VEGFC: variants seen among roughly 807,000 people sequenced by gnomAD.
VEGFC encodes the protein FLT4 ligand DHM.
A neutral mutation model predicts 46.1 loss-of-function variants in VEGFC; 12 were observed. That is an observed-to-expected ratio of 0.26 (90% CI 0.17 to 0.42). The LOEUF (loss-of-function observed/expected upper bound fraction) is 0.42. Among genes scored for constraint, VEGFC ranks in the 10% least tolerant of loss-of-function variants. The pLI, the probability that VEGFC is intolerant of heterozygous loss-of-function variation, is 1.00. For synonymous variants in VEGFC, 232 were observed against 195.5 expected (o/e 1.19, Z -1.56); for missense variants, 488 against 529.4 (o/e 0.92, Z 0.77).
At chr4:176,724,298 T>G (rs1280927655) in intron 3 of VEGFC, among the ~76,000 whole-genome samples, 1 of 152,136 alleles carries the variant, frequency 6.6e-6, no homozygotes, top group Non-Finnish European at 1.5e-5. Context: ...TGTGTCTATA[T>G]TTTCATTTGT....
rs192986763 is a variant in VEGFC at position 176,758,998 on chromosome 4, T to C, written c.148-29252A>G. ...CCACGATTACTCATCTAAAAGTTCA[T>C]TGTTAGCAAATTATATTTTAAATGC... On this transcript the variant is annotated intron_variant, in intron 1 of 6. Coordinates refer to ENST00000618562, the MANE Select transcript of VEGFC (RefSeq NM_005429.5). Among the ~76,000 whole-genome samples the C allele has an allele frequency of 3.3e-3, 500 of 152,290 alleles. 5 individuals carry two copies. The highest frequency in any genetic ancestry group is 7.8e-3 in the Admixed American group (119 of 15,284).
chr4:176,702,673 A>G (rs1734454170), intron 4 of VEGFC, among the ~76,000 whole-genome samples: 1 of 152,136 alleles, frequency 6.6e-6, no homozygotes, highest in African/African-American at 2.4e-5. Flanking sequence ...TTACATCTTT[A>G]GGGACATTGT....
At chr4:176,775,586 TG>T (rs1171671907) in intron 1 of VEGFC, among the ~76,000 whole-genome samples, 1 of 151,654 alleles carries the variant, frequency 6.6e-6, no homozygotes, top group Non-Finnish European at 1.5e-5. Context: ...TTATAGGCCA[TG>T]TATTGTATTT....
At chr4:176,790,990 T>G (rs1736081062) in intron 1 of VEGFC, among the ~76,000 whole-genome samples, 1 of 152,210 alleles carries the variant, frequency 6.6e-6, no homozygotes, top group South Asian at 2.1e-4. Flanking sequence ...ATTCCAACAT[T>G]TTAATGTTTT....
At chr4:176,739,308 T>C (rs4426720) in intron 1 of VEGFC, among the ~76,000 whole-genome samples, 106,756 of 151,246 alleles carry the variant, frequency 0.71, 43,537 homozygotes, top group East Asian at 0.93. Context: ...ACTGGGTATA[T>C]ACCCAAAGGA....
intron 1 of VEGFC, among the ~76,000 whole-genome samples, chr4:176,739,107 C>A (rs959843948): frequency 6.6e-6 from 1 of 151,704 alleles, no homozygotes; most frequent in African/African-American, 2.4e-5. Flanking sequence ...CAATGAGATA[C>A]CATCTTATTC....
intron 3 of VEGFC, among the ~76,000 whole-genome samples, chr4:176,726,786 T>G (rs547495366): frequency 6.6e-6 from 1 of 152,218 alleles, no homozygotes; most frequent in Admixed American, 6.6e-5. Flanking sequence ...AAAGTTTGCA[T>G]AAAATTAAAA....
chr4:176,737,254 A>G (rs918611681), intron 1 of VEGFC, among the ~76,000 whole-genome samples: 5 of 139,544 alleles, frequency 3.6e-5, no homozygotes, highest in African/African-American at 1.3e-4. Context: ...ATTAATGTTA[A>G]ATGTTAATAA....
intron 4 of VEGFC, among the ~76,000 whole-genome samples, chr4:176,698,666 G>A (rs1031204219): frequency 6.6e-5 from 10 of 151,954 alleles, no homozygotes; most frequent in African/African-American, 2.4e-4. Flanking sequence ...GGTCTCCAGA[G>A]CATATTCACC....
chr4:176,696,161 G>T, intron 4 of VEGFC, among the ~76,000 whole-genome samples: 1 of 143,716 alleles, frequency 7.0e-6, no homozygotes, highest in Non-Finnish European at 1.5e-5. Context: ...AGGAAATAAA[G>T]GGTATTCAAT....
intron 3 of VEGFC, among the ~76,000 whole-genome samples, chr4:176,722,334 G>C (rs1734801253): frequency 6.6e-6 from 1 of 152,212 alleles, no homozygotes; most frequent in African/African-American, 2.4e-5. Context: ...AGCAAGAAAA[G>C]ATTCCATGTG....
In VEGFC at chr4:176,732,267, G is replaced by A. The variant is rs1394170123; in HGVS notation, c.148-2521C>T. Among the ~76,000 whole-genome samples, 4 of 151,842 alleles carry A rather than the reference G, an allele frequency of 2.6e-5. No individual in the cohort carries two copies. In the East Asian group the frequency reaches 7.7e-4, roughly 29 times the overall value. The stretch of plus-strand genomic sequence containing the variant: ...ATATAAATAATACATATTGTATGAT[G>A]GCAAAAGTGAAAGAAACTATAATTC... On this transcript the variant is annotated intron_variant, in intron 1 of 6. Coordinates refer to ENST00000618562, the MANE Select transcript of VEGFC (RefSeq NM_005429.5).
intron 4 of VEGFC, among the ~76,000 whole-genome samples, chr4:176,707,678 C>T (rs1734556966): frequency 6.6e-6 from 1 of 152,086 alleles, no homozygotes; most frequent in South Asian, 2.1e-4. Context: ...AAATAATATT[C>T]CTTAATACTT....
At chr4:176,686,395 C>T (rs566869283) in intron 6 of VEGFC, among the ~76,000 whole-genome samples, 1 of 152,206 alleles carries the variant, frequency 6.6e-6, no homozygotes, top group African/African-American at 2.4e-5. Context: ...AAAGTTTGCT[C>T]AACTTCACAG....
chr4:176,716,570 T>TG (rs1223689690), intron 3 of VEGFC, among the ~76,000 whole-genome samples: 1 of 105,546 alleles, frequency 9.5e-6, no homozygotes, highest in Non-Finnish European at 1.7e-5. Flanking sequence ...CCAACAGAGG[T>TG]GGACTCCCTC....
At chr4:176,750,253 G>A (rs1310548501) in intron 1 of VEGFC, among the ~76,000 whole-genome samples, 2 of 151,696 alleles carry the variant, frequency 1.3e-5, no homozygotes, top group African/African-American at 4.8e-5. Context: ...CCCTTACTGT[G>A]TTGTGACATA....
rs987942288 is a variant in VEGFC, at chr4:176,750,261, A to T, written c.148-20515T>A. On this transcript the variant is annotated intron_variant, in intron 1 of 6. Coordinates refer to ENST00000618562, the MANE Select transcript of VEGFC (RefSeq NM_005429.5). Reference sequence around the variant, plus strand: ...ACCACAGCCCTTACTGTGTTGTGACATATCAGTAATTATGACTATGTGGAT... The same window carrying T: ...ACCACAGCCCTTACTGTGTTGTGACTTATCAGTAATTATGACTATGTGGAT... Among the ~76,000 whole-genome samples the T allele has an allele frequency of 6.6e-5, 10 of 151,942 alleles. No individual in the cohort carries two copies. The South Asian group carries it at 2.1e-3, about 31-fold the overall frequency.
At chr4:176,723,199 C>T (rs1190096505) in intron 3 of VEGFC, among the ~76,000 whole-genome samples, 1 of 152,088 alleles carries the variant, frequency 6.6e-6, no homozygotes, top group East Asian at 1.9e-4. Context: ...GAAGAATTTT[C>T]TTCCTTATCT....
intron 1 of VEGFC, among the ~76,000 whole-genome samples, chr4:176,776,858 A>C (rs1219568711): frequency 6.6e-6 from 1 of 152,234 alleles, no homozygotes; most frequent in Non-Finnish European, 1.5e-5. Context: ...AGACATGCTA[A>C]AAGTTTTATC....
Sources: gnomAD v4.1 joint callset for allele counts (sites outside exome capture counted in the v4.1 genomes callset) on GRCh38, gnomAD v4.1.1 for gene constraint, MANE v1.5 for transcripts, NCBI Gene and HGNC (gene_info 2026-07-23, HGNC 2026-07-21) for gene names.